CCDC30: variants seen among roughly 807,000 people sequenced by gnomAD.
CCDC30 encodes coiled-coil domain-containing protein 30.
Under a neutral mutation model 100.2 loss-of-function variants are expected in CCDC30, and 70 were observed. The ratio of observed to expected loss-of-function variants is 0.70; its 90% confidence interval spans 0.58 to 0.85. The LOEUF (loss-of-function observed/expected upper bound fraction) is 0.85, where lower values mean the gene tolerates loss of function less well. CCDC30 is among the 40% of genes least tolerant of loss of function. The pLI, the probability that CCDC30 is intolerant of heterozygous loss-of-function variation, is 0.00. For missense variants in CCDC30, 652 were observed against 771.2 expected (o/e 0.85, Z 1.83); for synonymous variants, 233 against 269.5 (o/e 0.86, Z 1.33).
chr1:42,487,092 C>T (rs1644062907), intron 3 of CCDC30, among the ~76,000 whole-genome samples: 1 of 113,486 alleles, frequency 8.8e-6, no homozygotes. Flanking sequence ...ACCTGAGCAA[C>T]ATAGTGATGC....
At chr1:42,456,775 C>G in the CCDC30 span, 4 of 1,612,578 alleles carry the variant, frequency 2.5e-6, no homozygotes, top group African/African-American at 2.7e-5. Context: ...CAACCTCGGC[C>G]GAGGCCTTCC....
At chr1:42,465,310 C>CA (rs1003626532) in intron 1 of CCDC30, among the ~76,000 whole-genome samples, 6 of 151,548 alleles carry the variant, frequency 4.0e-5, no homozygotes, top group African/African-American at 1.5e-4. Context: ...GACCCTGTCT[C>CA]AAAAAAAATA....
At chr1:42,572,362 C>T (rs1161857220) in intron 7 of CCDC30, among the ~76,000 whole-genome samples, 1 of 152,058 alleles carries the variant, frequency 6.6e-6, no homozygotes, top group Non-Finnish European at 1.5e-5. Context: ...TTTGGGGTTT[C>T]TGTCATTTTA....
At chr1:42,463,040 G>A (rs867894379), upstream of CCDC30, among the ~76,000 whole-genome samples, 1 of 152,200 alleles carries the variant, frequency 6.6e-6, no homozygotes, top group East Asian at 1.9e-4. Context: ...AACGCCCCAA[G>A]ACAAAATGTA....
rs1246830371 is a variant in CCDC30 at position 42,610,944 on chromosome 1, G to A, written c.1165-34G>A. On this transcript the variant is annotated intron_variant, in intron 10 of 16. Coordinates refer to ENST00000668663, the Ensembl canonical transcript of CCDC30. ...TTCTTCAACATCATACCTTTGTCAGGTCAGAGTTCTCATTATTTTTCAATG... is the reference window on the plus strand; with the variant it reads ...TTCTTCAACATCATACCTTTGTCAGATCAGAGTTCTCATTATTTTTCAATG... 10 of 1,126,606 alleles carry A rather than the reference G, an allele frequency of 8.9e-6. No individual in the cohort carries two copies. The Admixed American group carries it at 1.6e-4, about 18-fold the overall frequency. The allele number at this position is 1,126,606 out of a possible 1,614,324, so 69.8% of individuals were successfully genotyped here. A position where few individuals can be genotyped will look rare whatever the true frequency, so the allele number is the denominator to read the frequency against.
intron 11 of CCDC30, among the ~76,000 whole-genome samples, chr1:42,633,589 GGAGACC>G (rs574115443): frequency 3.2e-4 from 48 of 152,108 alleles, no homozygotes; most frequent in Admixed American, 2.6e-3. Flanking sequence ...AAACCGGGAG[GGAGACC>G]AAATCTATCT....
the CCDC30 span, chr1:42,456,842 G>A: frequency 6.2e-7 from 1 of 1,613,476 alleles, no homozygotes; most frequent in Non-Finnish European, 8.5e-7. Flanking sequence ...CTTCCCCTAT[G>A]CCCACCGCTT....
intron 14 of CCDC30, among the ~76,000 whole-genome samples, chr1:42,645,555 T>C (rs1647813945): frequency 6.6e-6 from 1 of 152,186 alleles, no homozygotes; most frequent in Non-Finnish European, 1.5e-5. Context: ...TATCACCTAC[T>C]AGATGTTTCT....
At chr1:42,615,914 T>C (rs1646718699) in intron 11 of CCDC30, among the ~76,000 whole-genome samples, 1 of 151,986 alleles carries the variant, frequency 6.6e-6, no homozygotes, top group African/African-American at 2.4e-5. Context: ...ACTTGTTTTT[T>C]GTTTTTTTGG....
chr1:42,650,936 G>C (rs1056618439), intron 15 of CCDC30, among the ~76,000 whole-genome samples: 1 of 152,082 alleles, frequency 6.6e-6, no homozygotes, highest in Non-Finnish European at 1.5e-5. Flanking sequence ...CCTACAGTCA[G>C]TTAATTTTTT....
chr1:42,634,519 T>C (rs943067072), intron 11 of CCDC30, among the ~76,000 whole-genome samples: 6 of 152,204 alleles, frequency 3.9e-5, no homozygotes, highest in Non-Finnish European at 8.8e-5. Context: ...AAAGTGAAGC[T>C]TCTCCTTAAC....
At position 42,653,369 on chromosome 1, in the gene CCDC30, CT is replaced by C; in HGVS notation, c.1855-3del. On this transcript the variant is annotated splice_region_variant and splice_polypyrimidine_tract_variant and intron_variant, in intron 15 of 16. Coordinates refer to ENST00000668663, the Ensembl canonical transcript of CCDC30. Reference sequence around the variant, plus strand: ...ACTTTTCACATTCATCCTTTCTTTCCTTTTAGGAAACAACAATTAGTGACAT... The same window carrying C: ...ACTTTTCACATTCATCCTTTCTTTCCTTTAGGAAACAACAATTAGTGACAT... 6.3e-7 allele frequency: 1 copy of C among 1,579,144 alleles called. No individual in the cohort carries two copies. Among genetic ancestry groups the C allele is most frequent in the Non-Finnish European group, 8.7e-7 (1 of 1,153,520 alleles).
chr1:42,503,833 T>A (rs939108078), intron 6 of CCDC30, among the ~76,000 whole-genome samples: 3 of 151,998 alleles, frequency 2.0e-5, no homozygotes, highest in Admixed American at 1.3e-4. Flanking sequence ...CCTATCTTAT[T>A]CCCCCCTCAG....
At chr1:42,578,454 C>T (rs1489065690) in intron 8 of CCDC30, among the ~76,000 whole-genome samples, 1 of 152,148 alleles carries the variant, frequency 6.6e-6, no homozygotes, top group African/African-American at 2.4e-5. Context: ...AGTCAGATTT[C>T]ATTGAGTACA....
intron 6 of CCDC30, among the ~76,000 whole-genome samples, chr1:42,549,213 A>G (rs1424734930): frequency 6.6e-6 from 1 of 152,124 alleles, no homozygotes; most frequent in Non-Finnish European, 1.5e-5. Flanking sequence ...TTTATGTTTC[A>G]TATATTGGGT....
intron 15 of CCDC30, among the ~76,000 whole-genome samples, chr1:42,647,126 CA>C (rs988758261): frequency 1.3e-5 from 2 of 151,758 alleles, no homozygotes; most frequent in East Asian, 3.9e-4. Context: ...AAAATCAATG[CA>C]AAAAAATAAA....
intron 6 of CCDC30, among the ~76,000 whole-genome samples, chr1:42,517,791 G>A (rs1644578740): frequency 6.6e-6 from 1 of 152,146 alleles, no homozygotes; most frequent in Non-Finnish European, 1.5e-5. Flanking sequence ...ATATGCGAGA[G>A]TTTGTTTCTG....
intron 6 of CCDC30, among the ~76,000 whole-genome samples, chr1:42,515,096 A>G (rs1029130851): frequency 3.3e-5 from 5 of 152,166 alleles, no homozygotes; most frequent in Admixed American, 1.3e-4. Flanking sequence ...GCCTTAATCC[A>G]ATATGACTGG....
intron 6 of CCDC30, among the ~76,000 whole-genome samples, chr1:42,555,593 C>G (rs1397238717): frequency 6.6e-6 from 1 of 152,148 alleles, no homozygotes; most frequent in Non-Finnish European, 1.5e-5. Flanking sequence ...AAGTATAAAA[C>G]TCATTTAAAC....
Sources: allele counts gnomAD v4.1 joint callset (sites outside exome capture counted in the v4.1 genomes callset), GRCh38; gene constraint gnomAD v4.1.1; transcripts MANE v1.5; gene names NCBI Gene and HGNC (gene_info 2026-07-23, HGNC 2026-07-21).